Variants in ZSWIM6 observed in about 807,000 individuals in gnomAD.
The protein encoded by ZSWIM6 is zinc finger SWIM domain-containing protein 6.
In ZSWIM6, 9 loss-of-function variants were observed where a neutral mutation model predicts 113.2. The observed-to-expected ratio is 0.08, with a 90% CI of 0.05 to 0.14. ZSWIM6 has a LOEUF of 0.14. Ranked by LOEUF, ZSWIM6 falls within the 10% of genes least tolerant of loss-of-function variation. The pLI is 1.00. For synonymous variants in ZSWIM6, 611 were observed against 606.5 expected (o/e 1.01, Z -0.11); for missense variants, 1,162 against 1,552.2 (o/e 0.75, Z 4.22).
intron 4 of ZSWIM6, among the ~76,000 whole-genome samples, chr5:61,518,237 C>T (rs552023533): frequency 2.5e-4 from 38 of 151,802 alleles, no homozygotes; most frequent in East Asian, 9.7e-4. Context: ...TGAATAATGC[C>T]GCAATAAACA....
chr5:61,340,401 T>C (rs944811423), intron 1 of ZSWIM6, among the ~76,000 whole-genome samples: 2 of 152,198 alleles, frequency 1.3e-5, no homozygotes, highest in African/African-American at 4.8e-5. Context: ...GGAGACAAAT[T>C]AACCCAGGTG....
At chr5:61,471,928 TTGTG>T (rs111311363) in intron 1 of ZSWIM6, among the ~76,000 whole-genome samples, 6 of 150,204 alleles carry the variant, frequency 4.0e-5, no homozygotes, top group South Asian at 2.1e-4. Flanking sequence ...TACCGTGTAT[TTGTG>T]TGTGTGTGTG....
chr5:61,479,110 G>T (rs1443528120), intron 2 of ZSWIM6, among the ~76,000 whole-genome samples: 7 of 151,836 alleles, frequency 4.6e-5, no homozygotes, highest in Non-Finnish European at 1.0e-4. Context: ...GGCGGAGACT[G>T]CAGTGAGCCA....
At chr5:61,450,790 G>T (rs528830072) in intron 1 of ZSWIM6, among the ~76,000 whole-genome samples, 1 of 152,262 alleles carries the variant, frequency 6.6e-6, no homozygotes, top group African/African-American at 2.4e-5. Flanking sequence ...TTGTGGCAGG[G>T]ATAAGCCCGT....
At chr5:61,421,230 T>C (rs919528792) in intron 1 of ZSWIM6, among the ~76,000 whole-genome samples, 1 of 152,146 alleles carries the variant, frequency 6.6e-6, no homozygotes, top group African/African-American at 2.4e-5. Context: ...TCATTCTGTC[T>C]TTGTTTTTGT....
chr5:61,457,987 A>T (rs971121618), intron 1 of ZSWIM6, among the ~76,000 whole-genome samples: 1 of 152,212 alleles, frequency 6.6e-6, no homozygotes, highest in Non-Finnish European at 1.5e-5. Context: ...TTTAATTGCC[A>T]TTAAAAATCT....
chr5:61,478,272 A>G (rs1306875212), intron 2 of ZSWIM6, among the ~76,000 whole-genome samples: 3 of 152,208 alleles, frequency 2.0e-5, no homozygotes, highest in Non-Finnish European at 2.9e-5. Flanking sequence ...GAAAATTTAT[A>G]AAAGAAGAAT....
At chr5:61,494,769 G>T (rs747803536) in intron 4 of ZSWIM6, among the ~76,000 whole-genome samples, 3 of 152,074 alleles carry the variant, frequency 2.0e-5, no homozygotes, top group Non-Finnish European at 1.5e-5. Context: ...AAAATTTAGA[G>T]TCTTTCTTCC....
intron 1 of ZSWIM6, among the ~76,000 whole-genome samples, chr5:61,369,493 A>G (rs1031705776): frequency 1.3e-5 from 2 of 152,204 alleles, no homozygotes; most frequent in Admixed American, 1.3e-4. Context: ...ACAGTTGAGT[A>G]TTCCAGGGCT....
At chr5:61,454,567 GTTTTTTTTTT>G (rs35249460) in intron 1 of ZSWIM6, among the ~76,000 whole-genome samples, 2 of 128,244 alleles carry the variant, frequency 1.6e-5, no homozygotes, top group South Asian at 2.5e-4. Flanking sequence ...CTATCCCTAA[GTTTTTTTTTT>G]TTTTTTTTTC....
intron 7 of ZSWIM6, among the ~76,000 whole-genome samples, chr5:61,527,924 C>T (rs189007821): frequency 6.6e-6 from 1 of 152,170 alleles, no homozygotes; most frequent in Non-Finnish European, 1.5e-5. Flanking sequence ...AGGTAAGTTA[C>T]AGAATATGTT....
intron 1 of ZSWIM6, 88 bp downstream of exon 1, chr5:61,333,036 C>G (rs1429668120): frequency 2.7e-5 from 29 of 1,060,712 alleles, no homozygotes; most frequent in Admixed American, 5.2e-5. Context: ...GCGGACAGCC[C>G]CTAGTTCCGC....
intron 9 of ZSWIM6, among the ~76,000 whole-genome samples, chr5:61,534,774 A>T (rs776410237): frequency 6.6e-6 from 1 of 152,182 alleles, no homozygotes; most frequent in Non-Finnish European, 1.5e-5. Context: ...TTACTAAGAA[A>T]TGAATTTTGA....
Position 61,399,212 on chromosome 5 carries a change from A to G in ZSWIM6, c.676+66264A>G, listed in dbSNP as rs1395200931. 3.4e-5 allele frequency among the ~76,000 whole-genome samples: 5 copies of G among 148,030 alleles called. No homozygotes were observed. The South Asian group carries it at 6.5e-4, about 19-fold the overall frequency. On this transcript the variant is annotated intron_variant, in intron 1 of 13. Transcript: ENST00000252744. Reference sequence around the variant, plus strand: ...AGGGCTGGGATTACAGGTGTGAGCCACTGCGCCTGGCTGTGTATGTTTTTT... The same window carrying G: ...AGGGCTGGGATTACAGGTGTGAGCCGCTGCGCCTGGCTGTGTATGTTTTTT...
Position 61,332,812 on chromosome 5 carries a change from C to G in ZSWIM6, c.540C>G (p.Ala180=). 1 of 939,112 alleles carries G rather than the reference C, an allele frequency of 1.1e-6. No homozygotes were observed. Among genetic ancestry groups the G allele is most frequent in the Non-Finnish European group, 1.3e-6 (1 of 794,522 alleles). 58.2% of individuals were successfully genotyped at this position (939,112 alleles called of 1,614,324 possible). ...AAAAAAAAAA[A]AAAAGAGAPS... ...CCGCTGCCGCCGCCGCCGCCGCCGCCGCCGCCGCCGCGGGGGCCGGGGCCC... is the reference window on the plus strand; with the variant it reads ...CCGCTGCCGCCGCCGCCGCCGCCGCGGCCGCCGCCGCGGGGGCCGGGGCCC... The change falls in exon 1 of 14, where the codon GCC becomes GCG. Residue 180 remains alanine (A), a synonymous_variant. Coordinates refer to ENST00000252744, the MANE Select transcript of ZSWIM6 (RefSeq NM_020928.2).
At chr5:61,503,568 C>T (rs1181253869) in intron 4 of ZSWIM6, among the ~76,000 whole-genome samples, 1 of 152,154 alleles carries the variant, frequency 6.6e-6, no homozygotes, top group African/African-American at 2.4e-5. Context: ...GAATCCCAAA[C>T]AGGGCACTTG....
In ZSWIM6 at chr5:61,453,726, T is replaced by A. The variant is rs183751796; in HGVS notation, c.677-18955T>A. Among the ~76,000 whole-genome samples the A allele has an allele frequency of 1.4e-3, 207 of 151,814 alleles. 1 individual carries two copies. Among genetic ancestry groups the A allele is most frequent in the Non-Finnish European group, 1.8e-3 (124 of 67,898 alleles). ...AGAATAACCATGCCTTTTTTTTTTT[T>A]AAATTATTATTAGAAGGGAGTCACC... is the stretch of plus-strand genomic sequence containing the variant. On this transcript the variant is annotated intron_variant, in intron 1 of 13. Transcript: ENST00000252744.
At chr5:61,469,290 T>G (rs964142860) in intron 1 of ZSWIM6, among the ~76,000 whole-genome samples, 1 of 152,202 alleles carries the variant, frequency 6.6e-6, no homozygotes, top group Non-Finnish European at 1.5e-5. Context: ...TTTGTGACAT[T>G]TAGAAATATT....
At chr5:61,373,792 C>A (rs1313105692) in intron 1 of ZSWIM6, among the ~76,000 whole-genome samples, 6 of 152,044 alleles carry the variant, frequency 3.9e-5, no homozygotes, top group Admixed American at 3.9e-4. Flanking sequence ...CTTACTCCCC[C>A]CCACTCGTCA....
Sources: gnomAD v4.1 joint callset for allele counts (sites outside exome capture counted in the v4.1 genomes callset) on GRCh38, gnomAD v4.1.1 for gene constraint, MANE v1.5 for transcripts, NCBI Gene and HGNC (gene_info 2026-07-23, HGNC 2026-07-21) for gene names.